Variants in PPIL3 observed in about 807,000 individuals in gnomAD.
PPIL3 encodes peptidyl-prolyl cis-trans isomerase-like 3.
In PPIL3, 13 loss-of-function variants were observed where a neutral mutation model predicts 20.9. That is an observed-to-expected ratio of 0.62 (90% CI 0.40 to 0.99). The LOEUF is 0.99. PPIL3 is among the 50% of genes least tolerant of loss of function. The pLI, the probability that PPIL3 is intolerant of heterozygous loss-of-function variation, is 0.00. For missense variants in PPIL3, 170 were observed against 195.2 expected (o/e 0.87, Z 0.77); for synonymous variants, 71 against 64.4 (o/e 1.10, Z -0.49).
intron 2 of PPIL3, among the ~76,000 whole-genome samples, chr2:200,886,453 T>C (rs2039941071): frequency 6.7e-6 from 1 of 149,384 alleles, no homozygotes; most frequent in African/African-American, 2.5e-5. Flanking sequence ...TGAGGTGGAG[T>C]CTTGCTCTGT....
chr2:200,876,666 T>A (rs1490343911), intron 6 of PPIL3, among the ~76,000 whole-genome samples: 1 of 152,060 alleles, frequency 6.6e-6, no homozygotes, highest in Non-Finnish European at 1.5e-5. Context: ...TACAGGTGTG[T>A]GCCACCACAT....
At chr2:200,879,650 C>G (rs1199129026) in intron 5 of PPIL3, among the ~76,000 whole-genome samples, 1 of 152,154 alleles carries the variant, frequency 6.6e-6, no homozygotes, top group African/African-American at 2.4e-5. Context: ...GACTGGGCAA[C>G]AGAGCAAGAC....
chr2:200,874,226 T>A (rs1055833982), intron 6 of PPIL3, among the ~76,000 whole-genome samples: 12 of 147,228 alleles, frequency 8.2e-5, no homozygotes, highest in Non-Finnish European at 1.6e-4. Flanking sequence ...AAAAAAAAAA[T>A]TAGCAGATTT....
chr2:200,885,337 C>A (rs2039891499), intron 3 of PPIL3: 1 of 361,250 alleles, frequency 2.8e-6, no homozygotes. Context: ...CGCCATTGTA[C>A]TCCAGCCTGG....
chr2:200,871,285 G>T lies in PPIL3; in HGVS notation c.*110C>A. 1 of 1,212,688 alleles carries T rather than the reference G, an allele frequency of 8.2e-7. No individual in the cohort carries two copies. Among genetic ancestry groups the T allele is most frequent in the Non-Finnish European group, 1.1e-6 (1 of 875,736 alleles). 75.1% of individuals were successfully genotyped at this position (1,212,688 alleles called of 1,614,324 possible). ...TACCACCATTTCATAGAAGATCATAGTTGTAAACAAGCAGAAGGATGATGC... is the reference window on the plus strand; with the variant it reads ...TACCACCATTTCATAGAAGATCATATTTGTAAACAAGCAGAAGGATGATGC... On this transcript the variant is annotated 3_prime_UTR_variant, in exon 7 of 7. Transcript: ENST00000392283.
intron 3 of PPIL3, among the ~76,000 whole-genome samples, chr2:200,884,140 A>T (rs1015209373): frequency 1.5e-4 from 11 of 74,486 alleles, no homozygotes; most frequent in Middle Eastern, 6.0e-3. Context: ...GGCCGGGTGC[A>T]GTGGCTTTGG....
chr2:200,873,713 G>A (rs537095928), intron 6 of PPIL3, among the ~76,000 whole-genome samples: 251 of 150,360 alleles, frequency 1.7e-3, no homozygotes, highest in African/African-American at 5.8e-3. Context: ...TGATCTGCCC[G>A]CCTTGGCCTC....
At chr2:200,875,577 CTA>C (rs1007748998) in intron 6 of PPIL3, among the ~76,000 whole-genome samples, 5 of 150,728 alleles carry the variant, frequency 3.3e-5, no homozygotes, top group Non-Finnish European at 5.9e-5. Flanking sequence ...TTCTTTTTTT[CTA>C]TCTTTTTTTT....
chr2:200,880,843 A>G (rs1251377344), intron 5 of PPIL3, among the ~76,000 whole-genome samples: 8 of 152,208 alleles, frequency 5.3e-5, no homozygotes, highest in African/African-American at 1.9e-4. Flanking sequence ...CAAAAAAAAA[A>G]AATGACTCCA....
chr2:200,878,382 CATTTTTTCATTTTTTTTTTT>C (rs1324977258), intron 5 of PPIL3, among the ~76,000 whole-genome samples: 51 of 148,456 alleles, frequency 3.4e-4, no homozygotes, highest in African/African-American at 1.2e-3. Context: ...TTTTTTTTTT[CATTTTTTCATTTTTTTTTTT>C]TTTTAGAGAC....
chr2:200,871,388 A>T lies in PPIL3; in HGVS notation c.*7T>A. 6.2e-7 allele frequency: 1 copy of T among 1,607,696 alleles called. No individual in the cohort carries two copies. The highest frequency in any genetic ancestry group is 1.1e-5 in the South Asian group (1 of 89,976). ...TTTGTCAAGTTATTTGTCCAGGTCT[A>T]TCATAGCTACTGAGCAAATGGGTTG... On this transcript the variant is annotated 3_prime_UTR_variant, in exon 7 of 7. Transcript: ENST00000392283.
rs760020198 is a variant in PPIL3, at chr2:200,885,446, G to A, written c.78+252C>T. 443 of 399,976 alleles carry A rather than the reference G, an allele frequency of 1.1e-3. 2 individuals carry two copies. The highest frequency in any genetic ancestry group is 1.7e-3 in the Non-Finnish European group (385 of 229,160). The allele number at this position is 399,976 out of a possible 1,614,324, so 24.8% of individuals were successfully genotyped here. ...TAATGTCCTAATGATTACGTTTCCT[G>A]AAGAAAATTAGTTCAAAAGAAAAAG... On this transcript the variant is annotated intron_variant, in intron 3 of 6. Coordinates refer to ENST00000392283, the MANE Select transcript of PPIL3 (RefSeq NM_130906.3).
At chr2:200,883,553 A>G (rs1053271344) in intron 3 of PPIL3, among the ~76,000 whole-genome samples, 14 of 151,812 alleles carry the variant, frequency 9.2e-5, no homozygotes, top group Non-Finnish European at 1.8e-4. Flanking sequence ...CAGGAGTTCA[A>G]GACCAGCCTG....
At chr2:200,885,811 T>C (rs757074291) in intron 2 of PPIL3, 39 bp from the exon 3 acceptor site, 2 of 1,242,596 alleles carry the variant, frequency 1.6e-6, no homozygotes, top group Non-Finnish European at 2.3e-6. Flanking sequence ...ATGAAATTTA[T>C]TTAGGTGACT....
Position 200,881,457 on chromosome 2 carries a change from G to T in PPIL3, c.204C>A (p.Gly68=). ...CACTGTATTCATCCTCAAACTTCTT[G>T]CCCCAAATACTGTTGCCTCCTCTTC... ...GTGRGGNSIW[G]KKFEDEYSEY... is the part of the protein sequence containing the mutation. The change falls in exon 5 of 7, where the codon GGC becomes GGA. Residue 68 remains glycine, a synonymous_variant. Transcript: ENST00000392283. 6.2e-7 allele frequency: 1 copy of T among 1,613,140 alleles called. No homozygotes were observed. Among genetic ancestry groups the T allele is most frequent in the South Asian group, 1.1e-5 (1 of 90,952 alleles).
chr2:200,876,335 T>C (rs1039505827), intron 6 of PPIL3, among the ~76,000 whole-genome samples: 3 of 151,500 alleles, frequency 2.0e-5, no homozygotes, highest in African/African-American at 7.3e-5. Flanking sequence ...AAAAAGAAAA[T>C]AGATATACTA....
chr2:200,875,501 C>T (rs998934451), intron 6 of PPIL3, among the ~76,000 whole-genome samples: 1 of 152,006 alleles, frequency 6.6e-6, no homozygotes, highest in Non-Finnish European at 1.5e-5. Flanking sequence ...CTCCTGACCT[C>T]ATGATCTGCC....
At chr2:200,888,746 G>C (rs914869812) in intron 1 of PPIL3, among the ~76,000 whole-genome samples, 3 of 152,018 alleles carry the variant, frequency 2.0e-5, no homozygotes, top group African/African-American at 2.4e-5. Context: ...GGCTGGTCTC[G>C]AACTCCTGAC....
At position 200,876,969 on chromosome 2, in the gene PPIL3, G is replaced by A; in HGVS notation, c.309C>T (p.Ile103=). The change falls in exon 6 of 7, where the codon ATC becomes ATT. Residue 103 remains isoleucine, a synonymous_variant. Transcript: ENST00000392283. ...GPNTNGSQFF[I]TYGKQPHLDM... ...CCAAATGTGGCTGTTTGCCATAGGT[G>A]ATGAAGAACTGAGATCCATTGGTGT... 3 of 1,613,822 alleles carry A rather than the reference G, an allele frequency of 1.9e-6. No homozygotes were observed. Among genetic ancestry groups the A allele is most frequent in the Non-Finnish European group, 2.5e-6 (3 of 1,179,752 alleles).
Sources: gnomAD v4.1 joint callset for allele counts (sites outside exome capture counted in the v4.1 genomes callset) on GRCh38, gnomAD v4.1.1 for gene constraint, MANE v1.5 for transcripts, NCBI Gene and HGNC (gene_info 2026-07-23, HGNC 2026-07-21) for gene names.